Variants in ROBO2 observed in about 807,000 individuals in gnomAD.
ROBO2 encodes roundabout guidance receptor 2.
Under a neutral mutation model 160.8 loss-of-function variants are expected in ROBO2, and 53 were observed. The ratio of observed to expected loss-of-function variants is 0.33; its 90% CI spans 0.26 to 0.41. The LOEUF is 0.41. Ranked by LOEUF, ROBO2 falls within the 10% of genes least tolerant of loss-of-function variation. The pLI is 1.00. For missense variants in ROBO2, 1,577 were observed against 1,722.4 expected, an observed-to-expected ratio of 0.92 and a Z score of 1.49; for synonymous variants, 664 against 611.7, an observed-to-expected ratio of 1.09 and a Z score of -1.26.
At position 77,027,201 on chromosome 3, in the gene ROBO2, TA is replaced by T. The variant is rs560170042; in HGVS notation, c.110-70811del. ...ATTAATGTAGAAGCCTGACAAACAA[TA>T]ATGTTAATAATCCCCTCATATGTCT... On this transcript the variant is annotated intron_variant, in intron 2 of 26. Transcript: ENST00000487694. 7.7e-3 allele frequency among the ~76,000 whole-genome samples: 1,175 copies of T among 152,286 alleles called. 4 individuals are homozygous for T. The highest frequency in any genetic ancestry group is 0.012 in the Non-Finnish European group (805 of 68,014).
At chr3:75,999,425 C>T (rs1388131255) in intron 2 of ROBO2, among the ~76,000 whole-genome samples, 2 of 152,092 alleles carry the variant, frequency 1.3e-5, no homozygotes, top group East Asian at 1.9e-4. Flanking sequence ...CAAAACTGAG[C>T]ATTGAAGTGT....
At chr3:76,619,208 C>T (rs919689577) in intron 2 of ROBO2, among the ~76,000 whole-genome samples, 7 of 151,386 alleles carry the variant, frequency 4.6e-5, no homozygotes, top group Non-Finnish European at 8.8e-5. Flanking sequence ...GGCGTGGTAG[C>T]GGGCGCCTGT....
At chr3:77,484,508 AACAC>A (rs60959193) in intron 4 of ROBO2, among the ~76,000 whole-genome samples, 64,733 of 146,610 alleles carry the variant, frequency 0.44, 14,538 homozygotes, top group East Asian at 0.58. Context: ...CCCCAACACA[AACAC>A]ACACACACAC....
intron 2 of ROBO2, among the ~76,000 whole-genome samples, chr3:76,821,691 C>T (rs774678889): frequency 5.3e-5 from 8 of 151,924 alleles, no homozygotes; most frequent in Non-Finnish European, 1.2e-4. Flanking sequence ...GGGAGGCATT[C>T]TTTTCTCAGT....
chr3:77,560,433 C>T (rs991999678), intron 9 of ROBO2, among the ~76,000 whole-genome samples: 51 of 152,150 alleles, frequency 3.4e-4, no homozygotes, highest in African/African-American at 1.1e-3. Flanking sequence ...TGAGTTTTAG[C>T]AACGATATTT....
chr3:77,008,721 T>C (rs535742766), intron 2 of ROBO2, among the ~76,000 whole-genome samples: 20 of 152,204 alleles, frequency 1.3e-4, no homozygotes, highest in African/African-American at 4.8e-4. Context: ...AAAACATCTG[T>C]CAAGATATGA....
chr3:76,328,825 C>T (rs950945878), intron 2 of ROBO2, among the ~76,000 whole-genome samples: 21 of 151,622 alleles, frequency 1.4e-4, no homozygotes, highest in African/African-American at 5.1e-4. Context: ...CGCCACCGCA[C>T]TCCAGCCTGG....
chr3:76,776,443 G>A (rs924986477), intron 2 of ROBO2, among the ~76,000 whole-genome samples: 34 of 150,784 alleles, frequency 2.3e-4, no homozygotes, highest in Non-Finnish European at 4.3e-4. Context: ...TGATCATTAG[G>A]CCAACTAAAA....
intron 2 of ROBO2, among the ~76,000 whole-genome samples, chr3:76,038,366 T>C (rs1451816124): frequency 6.6e-6 from 1 of 151,848 alleles, no homozygotes; most frequent in African/African-American, 2.4e-5. Context: ...AGTAGGAAAG[T>C]AGGATCTGGT....
chr3:77,263,555 T>C (rs1441165343), intron 2 of ROBO2, among the ~76,000 whole-genome samples: 1 of 152,220 alleles, frequency 6.6e-6, no homozygotes, highest in Non-Finnish European at 1.5e-5. Flanking sequence ...AGCCTCCAGC[T>C]CCATCCATGT....
rs546095454 is a variant in ROBO2 at position 76,940,953 on chromosome 3, G to A, written c.110-157061G>A. 1.2e-4 allele frequency among the ~76,000 whole-genome samples: 18 copies of A among 152,198 alleles called. No individual in the cohort carries two copies. In the South Asian group the frequency reaches 3.3e-3, roughly 28 times the overall value. ...TTTGGCATTTGAATTTTTCAAAGCC[G>A]CCTCAAATGTAACGTATTTAAATTG... On this transcript the variant is annotated intron_variant, in intron 2 of 26. Coordinates refer to the ROBO2 transcript ENST00000487694.
exon 26 of ROBO2, chr3:77,646,705 C>T (rs758523496): frequency 6.6e-6 from 1 of 151,424 alleles, no homozygotes; most frequent in African/African-American, 2.4e-5. Flanking sequence ...GGGACTGAGT[C>T]AATAAAAAAA....
chr3:76,621,199 T>C (rs1427163799), intron 2 of ROBO2, among the ~76,000 whole-genome samples: 1 of 152,166 alleles, frequency 6.6e-6, no homozygotes, highest in African/African-American at 2.4e-5. Context: ...TGGTTGTATG[T>C]TACAGATTTG....
At chr3:76,656,783 A>T (rs1270775991) in intron 2 of ROBO2, among the ~76,000 whole-genome samples, 1 of 151,848 alleles carries the variant, frequency 6.6e-6, no homozygotes, top group Non-Finnish European at 1.5e-5. Context: ...TTAGAAAATC[A>T]GTAAAGTCTG....
chr3:76,860,758 T>G, intron 2 of ROBO2, among the ~76,000 whole-genome samples: 1 of 149,334 alleles, frequency 6.7e-6, no homozygotes, highest in Admixed American at 6.6e-5. Context: ...CTCTAAGATT[T>G]AACAACAAAC....
At chr3:76,487,094 C>T (rs1009751663) in intron 2 of ROBO2, among the ~76,000 whole-genome samples, 8 of 152,064 alleles carry the variant, frequency 5.3e-5, no homozygotes, top group East Asian at 3.9e-4. Context: ...CACAGCCTCT[C>T]GGGTGGCTAG....
chr3:77,136,763 A>G (rs961829076), intron 2 of ROBO2, among the ~76,000 whole-genome samples: 1 of 151,266 alleles, frequency 6.6e-6, no homozygotes, highest in Non-Finnish European at 1.5e-5. Flanking sequence ...CAGCCTCCTG[A>G]GTAGCTGGGA....
At chr3:77,222,645 T>G (rs1442109708) in intron 2 of ROBO2, among the ~76,000 whole-genome samples, 2 of 152,220 alleles carry the variant, frequency 1.3e-5, no homozygotes. Flanking sequence ...TCAAAAACTA[T>G]ATCTTCATAT....
intron 2 of ROBO2, among the ~76,000 whole-genome samples, chr3:76,575,275 A>T (rs1243028195): frequency 6.6e-6 from 1 of 152,004 alleles, no homozygotes; most frequent in East Asian, 1.9e-4. Flanking sequence ...ATGATTTAAA[A>T]ATGGAAAAAT....
Sources: allele counts gnomAD v4.1 joint callset (sites outside exome capture counted in the v4.1 genomes callset), GRCh38; gene constraint gnomAD v4.1.1; transcripts MANE v1.5; gene names NCBI Gene and HGNC (gene_info 2026-07-23, HGNC 2026-07-21).